MID1: variants seen among roughly 807,000 people sequenced by gnomAD.
The protein encoded by MID1 is midline 1, also known as E3 ubiquitin-protein ligase Midline-1.
Under a neutral mutation model 40.4 loss-of-function variants are expected in MID1, and 7 were observed. That is an observed-to-expected ratio of 0.17 (90% confidence interval 0.10 to 0.33). The LOEUF is 0.33. Ranked by LOEUF, MID1 falls within the 10% of genes least tolerant of loss-of-function variation. MID1 has a pLI of 1.00. For missense variants in MID1, 367 were observed against 558.5 expected, an observed-to-expected ratio of 0.66 and a Z score of 3.46; for synonymous variants, 229 against 221.2, an observed-to-expected ratio of 1.04 and a Z score of -0.31.
intron 1 of MID1, among the ~76,000 whole-genome samples, chrX:10,606,181 TATATAA>T (rs1406453928): frequency 1.8e-5 from 2 of 111,409 alleles, no homozygotes; most frequent in East Asian, 2.8e-4. Flanking sequence ...TTGTAATTTA[TATATAA>T]ATATAAGATA....
chrX:10,465,208 T>TACAC (rs1458970259), intron 7 of MID1, among the ~76,000 whole-genome samples: 5 of 65,135 alleles, frequency 7.7e-5, no homozygotes, highest in African/African-American at 4.2e-4. Context: ...TATATATATA[T>TACAC]ATATATACAC....
intron 3 of MID1, among the ~76,000 whole-genome samples, chrX:10,503,464 C>T (rs943095142): frequency 4.5e-5 from 5 of 111,851 alleles, no homozygotes; most frequent in African/African-American, 6.5e-5. Flanking sequence ...AACCAGAGTA[C>T]GGGACAATAT....
intron 4 of MID1, among the ~76,000 whole-genome samples, chrX:10,487,100 T>A (rs1239808855): frequency 8.9e-6 from 1 of 111,916 alleles, no homozygotes; most frequent in African/African-American, 3.3e-5. Context: ...GCTCAAGTGA[T>A]CCTCTCGCCT....
At chrX:10,686,607 A>G (rs2043099739) in intron 1 of MID1, among the ~76,000 whole-genome samples, 1 of 112,300 alleles carries the variant, frequency 8.9e-6, no homozygotes, top group South Asian at 3.7e-4. Context: ...ATTATAAAAA[A>G]TACTTTGTTG....
At chrX:10,751,075 G>A (rs1284127837) in intron 1 of MID1, among the ~76,000 whole-genome samples, 1 of 110,175 alleles carries the variant, frequency 9.1e-6, no homozygotes, top group Non-Finnish European at 1.9e-5. Flanking sequence ...AACCAGCTTG[G>A]CCAACATGGC....
chrX:10,787,739 A>C (rs1371572512), intron 1 of MID1, among the ~76,000 whole-genome samples: 3 of 105,639 alleles, frequency 2.8e-5, no homozygotes, highest in African/African-American at 1.0e-4. Flanking sequence ...AAAGAAAGGC[A>C]AAAAACCACT....
chrX:10,623,516 G>A (rs1454393716), upstream of MID1, among the ~76,000 whole-genome samples: 3 of 111,482 alleles, frequency 2.7e-5, no homozygotes, highest in East Asian at 2.8e-4. Flanking sequence ...AGTTATGTGC[G>A]GGTTTGGTTA....
At chrX:10,750,352 C>T (rs1379916964) in intron 1 of MID1, among the ~76,000 whole-genome samples, 2 of 111,435 alleles carry the variant, frequency 1.8e-5, no homozygotes, top group African/African-American at 6.5e-5. Context: ...CCTGGCCATC[C>T]CAGGCATGGT....
chrX:10,500,708 T>A (rs1931498509), intron 3 of MID1, among the ~76,000 whole-genome samples: 3 of 111,959 alleles, frequency 2.7e-5, no homozygotes, highest in African/African-American at 9.7e-5. Context: ...TTCCCAGGTT[T>A]GGTTTGGAAG....
intron 1 of MID1, among the ~76,000 whole-genome samples, chrX:10,799,442 C>T (rs2043990726): frequency 8.9e-6 from 1 of 111,870 alleles, no homozygotes; most frequent in Non-Finnish European, 1.9e-5. Context: ...TCTATTTGTG[C>T]ACATAGGCCA....
At chrX:10,466,271 T>C (rs1285430526) in intron 7 of MID1, among the ~76,000 whole-genome samples, 1 of 112,275 alleles carries the variant, frequency 8.9e-6, no homozygotes, top group Admixed American at 9.5e-5. Context: ...ATCCCAAATA[T>C]GCTAGTGATA....
chrX:10,546,096 C>T (rs1226761227), intron 2 of MID1, among the ~76,000 whole-genome samples: 1 of 111,829 alleles, frequency 8.9e-6, no homozygotes, highest in African/African-American at 3.3e-5. Context: ...TGGCTGGGCC[C>T]CATGAGGTTG....
chrX:10,641,224 T>C (rs1256984306), intron 1 of MID1, among the ~76,000 whole-genome samples: 1 of 111,432 alleles, frequency 9.0e-6, no homozygotes, highest in Non-Finnish European at 1.9e-5. Context: ...AATCAATGAA[T>C]CCAGGAGCTG....
intron 4 of MID1, among the ~76,000 whole-genome samples, chrX:10,487,717 G>A (rs893905648): frequency 9.0e-6 from 1 of 111,172 alleles, no homozygotes; most frequent in Non-Finnish European, 1.9e-5. Context: ...AGAAAGTGCC[G>A]TTTCTCGAAT....
chrX:10,563,208 A>G (rs377766121), intron 2 of MID1, among the ~76,000 whole-genome samples: 1 of 111,977 alleles, frequency 8.9e-6, no homozygotes, highest in Non-Finnish European at 1.9e-5. Context: ...AAAAATTACA[A>G]TGGGATGATC....
intron 3 of MID1, among the ~76,000 whole-genome samples, chrX:10,512,703 AG>A (rs761985135): frequency 1.7e-3 from 192 of 112,547 alleles, no homozygotes; most frequent in Non-Finnish European, 2.8e-3. Flanking sequence ...AATTGACAGA[AG>A]GCTTCCTTGA....
chrX:10,828,058 A>G (rs766156783), intron 1 of MID1, among the ~76,000 whole-genome samples: 7 of 111,995 alleles, frequency 6.3e-5, no homozygotes, highest in Admixed American at 2.8e-4. Flanking sequence ...AAATGCTAAG[A>G]AAACATTGTG....
intron 1 of MID1, among the ~76,000 whole-genome samples, chrX:10,755,087 G>C (rs966333902): frequency 6.3e-5 from 7 of 111,844 alleles, no homozygotes; most frequent in Non-Finnish European, 1.3e-4. Context: ...AAACGTTAGT[G>C]TAAATCCTAT....
intron 1 of MID1, among the ~76,000 whole-genome samples, chrX:10,764,118 C>T (rs1259315996): frequency 9.0e-6 from 1 of 111,514 alleles, no homozygotes; most frequent in African/African-American, 3.3e-5. Context: ...CTGTAGGTTG[C>T]CTGTTCACTC....
Sources: gnomAD v4.1 joint callset for allele counts (sites outside exome capture counted in the v4.1 genomes callset) on GRCh38, gnomAD v4.1.1 for gene constraint, MANE v1.5 for transcripts, NCBI Gene and HGNC (gene_info 2026-07-23, HGNC 2026-07-21) for gene names.